The following WDR12 variants were observed in gnomAD, a reference collection of about 807,000 sequenced individuals.
WDR12 encodes ribosome biogenesis protein WDR12.
Under a neutral mutation model 64.3 loss-of-function variants are expected in WDR12, and 42 were observed. The observed-to-expected ratio is 0.65, with a 90% confidence interval of 0.51 to 0.84. The LOEUF is 0.84. Ranked by LOEUF, WDR12 falls within the 40% of genes least tolerant of loss-of-function variation. The pLI is 0.00. For synonymous variants in WDR12, 158 were observed against 173.3 expected (o/e 0.91, Z 0.70); for missense variants, 469 against 494.6 (o/e 0.95, Z 0.49).
intron 5 of WDR12, among the ~76,000 whole-genome samples, chr2:202,896,492 A>G (rs1481671903): frequency 1.3e-5 from 2 of 152,186 alleles, no homozygotes; most frequent in East Asian, 3.9e-4. Context: ...GGAGTTTGAG[A>G]CCAGCCTGGC....
Position 202,875,777 on chromosome 2 carries a change from T to C in WDR12, c.*5083A>G, listed in dbSNP as rs1353280547. ...CATCATTCTTGTGCACGACATAAGA[T>C]TGACAAAATATATACCAGTTAAGAG... is the stretch of plus-strand genomic sequence containing the variant. On this transcript the variant is annotated 3_prime_UTR_variant, in exon 13 of 13. Coordinates refer to ENST00000261015, the MANE Select transcript of WDR12 (RefSeq NM_018256.4). The C allele has an allele frequency of 2.0e-5, 3 of 152,236 alleles. No homozygotes were observed. The highest frequency in any genetic ancestry group is 2.9e-5 in the Non-Finnish European group (2 of 68,036). 9.4% of individuals were successfully genotyped at this position (152,236 alleles called of 1,614,324 possible). A position where few individuals can be genotyped will look rare whatever the true frequency, so the allele number is the denominator to read the frequency against.
chr2:202,881,908 T>A (rs1179505439), intron 12 of WDR12, among the ~76,000 whole-genome samples: 2 of 151,626 alleles, frequency 1.3e-5, no homozygotes, highest in Non-Finnish European at 2.9e-5. Context: ...GAAAAAAAAA[T>A]GCTCCAAAAT....
Position 202,883,704 on chromosome 2 carries a change from A to G in WDR12, c.1026T>C (p.Thr342=), listed in dbSNP as rs1383048551. 3 of 1,614,064 alleles carry G rather than the reference A, an allele frequency of 1.9e-6. No homozygotes were observed. In the South Asian group the frequency reaches 3.3e-5, roughly 18 times the overall value. Reference sequence around the variant, plus strand: ...ACCATTTTACTGATGTCACCCAACCAGTATGTGACGTTAGGGACAGCGACA... The same window carrying G: ...ACCATTTTACTGATGTCACCCAACCGGTATGTGACGTTAGGGACAGCGACA... ...SLVSLSLTSH[T]GWVTSVKWSP... Residue 342 remains threonine (T), a synonymous_variant, in exon 11 of 13, where the codon ACT becomes ACC. Coordinates refer to ENST00000261015, the MANE Select transcript of WDR12 (RefSeq NM_018256.4).
In WDR12 at chr2:202,876,462, C is replaced by G. The variant is rs1254268572; in HGVS notation, c.*4398G>C. 2.0e-5 allele frequency: 3 copies of G among 152,144 alleles called. No homozygotes were observed. The highest frequency in any genetic ancestry group is 4.4e-5 in the Non-Finnish European group (3 of 68,026). 9.4% of individuals were successfully genotyped at this position (152,144 alleles called of 1,614,324 possible). On this transcript the variant is annotated 3_prime_UTR_variant, in exon 13 of 13. Transcript: ENST00000261015. ...CAATGAAGTGACTAAAATGTTCTTG[C>G]TGTTTCTACACCTGGCAGTTTCTGG...
chr2:202,894,165 A>C, intron 7 of WDR12, among the ~76,000 whole-genome samples: 1 of 152,048 alleles, frequency 6.6e-6, no homozygotes, highest in Admixed American at 6.6e-5. Flanking sequence ...TTGTTGCCAT[A>C]CTGGTCTCTT....
In WDR12 at chr2:202,882,669, C is replaced by T. The variant is rs755080739; in HGVS notation, c.1194+42G>A. Reference sequence around the variant, plus strand: ...TATAAACACAAACACCAGATTTATTCTAGTCACTTTCCTCTTCATCAAATA... The same window carrying T: ...TATAAACACAAACACCAGATTTATTTTAGTCACTTTCCTCTTCATCAAATA... On this transcript the variant is annotated intron_variant, in intron 12 of 12. Coordinates refer to ENST00000261015, the MANE Select transcript of WDR12 (RefSeq NM_018256.4). 5 of 1,573,874 alleles carry T rather than the reference C, an allele frequency of 3.2e-6. No individual in the cohort carries two copies. In the Admixed American group the frequency reaches 8.4e-5, roughly 26 times the overall value.
intron 1 of WDR12, 103 bp downstream of exon 1, chr2:202,911,333 G>C: frequency 8.9e-7 from 1 of 1,128,130 alleles, no homozygotes; most frequent in Non-Finnish European, 1.3e-6. Flanking sequence ...AGAAAAAAGG[G>C]TGGGGGTGAC....
chr2:202,907,814 A>C, intron 2 of WDR12, 51 bp downstream of exon 2: 1 of 1,448,130 alleles, frequency 6.9e-7, no homozygotes, highest in Non-Finnish European at 9.7e-7. Flanking sequence ...AACTTAATGC[A>C]TTTTAGAATA....
At chr2:202,903,504 TGAGGGAGG>T (rs554926228) in intron 2 of WDR12, among the ~76,000 whole-genome samples, 4 of 29,590 alleles carry the variant, frequency 1.4e-4, no homozygotes, top group Admixed American at 4.9e-4. Context: ...AGGAAGGAAG[TGAGGGAGG>T]GAGGGAGGGA....
In WDR12 at chr2:202,911,516, G is replaced by A. The variant is rs750492225; in HGVS notation, c.-40C>T. On this transcript the variant is annotated 5_prime_UTR_variant, in exon 1 of 13. Transcript: ENST00000261015. ...ACGACTTGCCCACGGAAACGTACGG[G>A]TTAGCAGACCCACAACACGAAGCTC... The A allele has an allele frequency of 1.2e-6, 2 of 1,602,646 alleles. No individual in the cohort carries two copies. Among genetic ancestry groups the A allele is most frequent in the Non-Finnish European group, 8.6e-7 (1 of 1,169,520 alleles).
At chr2:202,911,140 C>T (rs895102712) in intron 1 of WDR12, among the ~76,000 whole-genome samples, 3 of 151,944 alleles carry the variant, frequency 2.0e-5, no homozygotes, top group Non-Finnish European at 4.4e-5. Flanking sequence ...AACTTTTTTT[C>T]CGTTTTCAAA....
chr2:202,878,337 A>G lies in WDR12; in HGVS notation c.*2523T>C, dbSNP rs964724981. 3.9e-5 allele frequency: 6 copies of G among 152,208 alleles called. No individual in the cohort carries two copies. Among genetic ancestry groups the G allele is most frequent in the Non-Finnish European group, 8.8e-5 (6 of 68,046 alleles). 9.4% of individuals were successfully genotyped at this position (152,208 alleles called of 1,614,324 possible). Reference sequence around the variant, plus strand: ...AACTGCCCTTAAGGATCATTTGAAGACCATCCAAAACAGGACTAGGAATTC... The same window carrying G: ...AACTGCCCTTAAGGATCATTTGAAGGCCATCCAAAACAGGACTAGGAATTC... On this transcript the variant is annotated 3_prime_UTR_variant, in exon 13 of 13. Coordinates refer to ENST00000261015, the MANE Select transcript of WDR12 (RefSeq NM_018256.4).
chr2:202,899,604 A>G lies in WDR12; in HGVS notation c.265T>C (p.Tyr89His). 6 of 1,614,138 alleles carry G rather than the reference A, an allele frequency of 3.7e-6. No homozygotes were observed. The highest frequency in any genetic ancestry group is 4.2e-6 in the Non-Finnish European group (5 of 1,180,008). Residue 89 changes from tyrosine (Y) to histidine (H), a missense_variant, in exon 4 of 13, where the codon TAT (tyrosine) becomes CAT (histidine). Coordinates refer to ENST00000261015, the MANE Select transcript of WDR12 (RefSeq NM_018256.4). ...EVVEIEYVEK[Y>H]TAPQPEQCMF... ...CATTGCTCTGGCTGGGGTGCAGTAT[A>G]CTTCTCCACGTATTCTATTTCCACA...
intron 5 of WDR12, among the ~76,000 whole-genome samples, chr2:202,896,669 C>T (rs1223102745): frequency 1.3e-5 from 2 of 149,720 alleles, no homozygotes; most frequent in Non-Finnish European, 3.0e-5. Context: ...CTAGCCTGGG[C>T]GACAGAGTGA....
chr2:202,899,871 G>A (rs1489017116), intron 3 of WDR12, among the ~76,000 whole-genome samples: 2 of 152,170 alleles, frequency 1.3e-5, no homozygotes, highest in Non-Finnish European at 2.9e-5. Flanking sequence ...TGTAGTCCCA[G>A]CTATTAACAT....
At chr2:202,884,907 G>A (rs1461995738) in intron 8 of WDR12, among the ~76,000 whole-genome samples, 1 of 152,200 alleles carries the variant, frequency 6.6e-6, no homozygotes, top group Non-Finnish European at 1.5e-5. Context: ...TTAAAGATTA[G>A]TGCTGGATGG....
At chr2:202,885,539 C>T (rs931776376) in intron 8 of WDR12, among the ~76,000 whole-genome samples, 12 of 152,118 alleles carry the variant, frequency 7.9e-5, no homozygotes, top group African/African-American at 2.7e-4. Flanking sequence ...CACCTTCACA[C>T]AAAATATGCC....
In WDR12 at chr2:202,901,171, G is replaced by A. The variant is rs1688343552; in HGVS notation, c.137-52C>T. On this transcript the variant is annotated intron_variant, in intron 2 of 12. Coordinates refer to ENST00000261015, the MANE Select transcript of WDR12 (RefSeq NM_018256.4). ...CACTCTTAGTGTCTAAAGTAATATT[G>A]GCAGAGGTATATGAGAACTCCCAAA... is the stretch of plus-strand genomic sequence containing the variant. 5.6e-6 allele frequency: 8 copies of A among 1,431,078 alleles called. No individual in the cohort carries two copies. The East Asian group carries it at 1.6e-4, about 29-fold the overall frequency. 88.6% of individuals were successfully genotyped at this position (1,431,078 alleles called of 1,614,324 possible). A position where few individuals can be genotyped will look rare whatever the true frequency, so the allele number is the denominator to read the frequency against.
At chr2:202,883,787 G>T in intron 10 of WDR12, 46 bp from the exon 11 acceptor site, 6 of 1,575,778 alleles carry the variant, frequency 3.8e-6, no homozygotes, top group Non-Finnish European at 5.1e-6. Context: ...GAAAAGGGAA[G>T]TAGGTAGAAG....
Sources: gnomAD v4.1 joint callset for allele counts (sites outside exome capture counted in the v4.1 genomes callset) on GRCh38, gnomAD v4.1.1 for gene constraint, MANE v1.5 for transcripts, NCBI Gene and HGNC (gene_info 2026-07-23, HGNC 2026-07-21) for gene names.